TAF4: variants seen among roughly 807,000 people sequenced by gnomAD.
TAF4 encodes the protein TATA-box binding protein associated factor 4.
In TAF4, 9 loss-of-function variants were observed where a neutral mutation model predicts 90.3. The ratio of observed to expected loss-of-function variants is 0.10; its 90% CI spans 0.06 to 0.17. The LOEUF (loss-of-function observed/expected upper bound fraction) is 0.17. Among genes scored for constraint, TAF4 ranks in the 10% least tolerant of loss-of-function variants. The probability of loss-of-function intolerance (pLI) is 1.00; values close to 1 mark genes in which losing one functional copy is unlikely to be tolerated. For synonymous variants in TAF4, 818 were observed against 638.9 expected (o/e 1.28, Z -4.23); for missense variants, 1,351 against 1,370.7 (o/e 0.99, Z 0.23).
intron 14 of TAF4, among the ~76,000 whole-genome samples, chr20:61,977,116 CACG>C (rs1384403565): frequency 1.4e-5 from 2 of 147,980 alleles, no homozygotes; most frequent in South Asian, 2.2e-4. Flanking sequence ...GCGCCACACA[CACG>C]ACACCGCCCA....
At chr20:62,013,742 G>A (rs28382049) in intron 2 of TAF4, among the ~76,000 whole-genome samples, 13,639 of 152,234 alleles carry the variant, frequency 0.09, 1,530 homozygotes, top group African/African-American at 0.27. Flanking sequence ...CAGGAGACGG[G>A]GCAGGAACAC....
At chr20:62,064,171 G>A (rs985986302) in intron 1 of TAF4, 14 of 365,130 alleles carry the variant, frequency 3.8e-5, no homozygotes, top group African/African-American at 2.9e-4. Context: ...TAAGAGTCCT[G>A]GCTGAGCCAC....
intron 14 of TAF4, chr20:61,981,413 C>T (rs2055540365): frequency 6.6e-6 from 1 of 152,134 alleles, no homozygotes; most frequent in African/African-American, 2.4e-5. Flanking sequence ...AAATCAGAAC[C>T]TCAAAAACTA....
In TAF4 at chr20:62,014,706, T is replaced by A. The variant is rs763389644; in HGVS notation, c.1362A>T (p.Gly454=). The change falls in exon 2 of 15, where the codon GGA becomes GGT. Residue 454 remains glycine, a splice_region_variant and synonymous_variant. Coordinates refer to ENST00000252996, the MANE Select transcript of TAF4 (RefSeq NM_003185.4). The stretch of plus-strand genomic sequence containing the variant: ...CATTCTCACTTCGGACGAGGACCAT[T>A]CCTGCAGACAAAGGAGACCTGGCGT... ...TNIQNFQLPP[G]MVLVRSENGQ... The A allele has an allele frequency of 2.1e-5, 34 of 1,612,882 alleles. 1 individual carries two copies. Among genetic ancestry groups the A allele is most frequent in the Non-Finnish European group, 2.2e-5 (26 of 1,179,618 alleles).
At chr20:62,040,523 C>A (rs1034383641) in intron 1 of TAF4, among the ~76,000 whole-genome samples, 1 of 152,248 alleles carries the variant, frequency 6.6e-6, no homozygotes, top group East Asian at 1.9e-4. Context: ...ATCCTGTACT[C>A]GACGGTGGTG....
Position 61,977,528 on chromosome 20 carries a change from C to T in TAF4, c.3091-1193G>A, listed in dbSNP as rs2055503590. Among the ~76,000 whole-genome samples, 3 of 152,296 alleles carry T rather than the reference C, an allele frequency of 2.0e-5. No individual in the cohort carries two copies. The South Asian group carries it at 6.2e-4, about 32-fold the overall frequency. ...CCTTCCTCCCCCCTTCCCCGTTCTG[C>T]CACTTTCAGTTCAGGCTGGGAGCAT... is the stretch of plus-strand genomic sequence containing the variant. On this transcript the variant is annotated intron_variant, in intron 14 of 14. Coordinates refer to ENST00000252996, the MANE Select transcript of TAF4 (RefSeq NM_003185.4).
intron 14 of TAF4, among the ~76,000 whole-genome samples, chr20:61,993,198 T>C (rs1358718702): frequency 6.6e-6 from 1 of 152,178 alleles, no homozygotes; most frequent in African/African-American, 2.4e-5. Flanking sequence ...CTCAAGGGAC[T>C]AGTGGCCCTA....
intron 1 of TAF4, among the ~76,000 whole-genome samples, chr20:62,045,563 C>T (rs894652281): frequency 2.8e-4 from 42 of 152,208 alleles, no homozygotes; most frequent in Non-Finnish European, 5.3e-4. Context: ...GACTAGCATG[C>T]GTTTCTTTTC....
chr20:62,017,415 G>C (rs1221302518), intron 1 of TAF4, among the ~76,000 whole-genome samples: 1 of 151,652 alleles, frequency 6.6e-6, no homozygotes, highest in Non-Finnish European at 1.5e-5. Context: ...AAGGCGGGTA[G>C]ATCACGAGGT....
Position 61,975,209 on chromosome 20 carries a change from C to T in TAF4, c.*959G>A, listed in dbSNP as rs2055485493. The T allele has an allele frequency of 6.6e-6, 1 of 152,316 alleles. No homozygotes were observed. Among genetic ancestry groups the T allele is most frequent in the Non-Finnish European group, 1.5e-5 (1 of 68,026 alleles). 9.4% of individuals were successfully genotyped at this position (152,316 alleles called of 1,614,324 possible). On this transcript the variant is annotated 3_prime_UTR_variant, in exon 15 of 15. Transcript: ENST00000252996. ...GCTTTGCTCTGGACGTCTGTAAAGT[C>T]GGCCCAAGGCTTGCATACAGTCTCT...
chr20:62,023,282 A>G (rs2055854143), intron 1 of TAF4, among the ~76,000 whole-genome samples: 2 of 152,048 alleles, frequency 1.3e-5, no homozygotes, highest in Non-Finnish European at 2.9e-5. Context: ...TCTCTACTAA[A>G]AACACAAAAA....
At chr20:62,020,954 C>T (rs945000048) in intron 1 of TAF4, among the ~76,000 whole-genome samples, 1 of 152,100 alleles carries the variant, frequency 6.6e-6, no homozygotes, top group Admixed American at 6.5e-5. Flanking sequence ...AGGAAGGAGG[C>T]GCACACCAGC....
intron 10 of TAF4, 134 bp from the exon 11 acceptor site, chr20:62,000,388 G>T: frequency 7.1e-7 from 1 of 1,406,464 alleles, no homozygotes; most frequent in Non-Finnish European, 9.6e-7. Context: ...GGGGTGGAAG[G>T]CAGTGGTACC....
At chr20:62,040,740 C>T (rs2055958989) in intron 1 of TAF4, among the ~76,000 whole-genome samples, 1 of 152,238 alleles carries the variant, frequency 6.6e-6, no homozygotes, top group Non-Finnish European at 1.5e-5. Context: ...GCGGATGAAA[C>T]TAAATTCGCA....
rs187547827 is a variant in TAF4, at chr20:61,990,075, G to C, written c.3090+7475C>G. On this transcript the variant is annotated intron_variant, in intron 14 of 14. Coordinates refer to ENST00000252996, the MANE Select transcript of TAF4 (RefSeq NM_003185.4). Reference sequence around the variant, plus strand: ...CAGCCCACAGCAAGTGCTATGCTGGGGGTGGTAGCATCAGTGCTAAGCACC... The same window carrying C: ...CAGCCCACAGCAAGTGCTATGCTGGCGGTGGTAGCATCAGTGCTAAGCACC... Among the ~76,000 whole-genome samples, 428 of 152,322 alleles carry C rather than the reference G, an allele frequency of 2.8e-3. 5 individuals are homozygous for C. Among genetic ancestry groups the C allele is most frequent in the Admixed American group, 0.024 (361 of 15,300 alleles).
rs1483400383 is a variant in TAF4, at chr20:61,975,132, T to G, written c.*1036A>C. 6.6e-6 allele frequency: 1 copy of G among 152,190 alleles called. No homozygotes were observed. Among genetic ancestry groups the G allele is most frequent in the Non-Finnish European group, 1.5e-5 (1 of 67,984 alleles). The allele number at this position is 152,190 out of a possible 1,614,324, so 9.4% of individuals were successfully genotyped here. ...AATTTCATACAATAACCTCTGAAAA[T>G]AGAAAGAACCAATTAGTATATTTGT... On this transcript the variant is annotated 3_prime_UTR_variant, in exon 15 of 15. Transcript: ENST00000252996.
chr20:61,984,592 G>A lies in TAF4; in HGVS notation c.3091-8257C>T, dbSNP rs529237917. Among the ~76,000 whole-genome samples the A allele has an allele frequency of 4.6e-5, 7 of 152,172 alleles. No homozygotes were observed. The South Asian group carries it at 1.2e-3, about 27-fold the overall frequency. ...ATGCAGTGACACGAGGGCAGTGCCC[G>A]GGACATCAGCACGATGAAGTGCCAC... On this transcript the variant is annotated intron_variant, in intron 14 of 14. Coordinates refer to ENST00000252996, the MANE Select transcript of TAF4 (RefSeq NM_003185.4).
chr20:61,985,972 C>T (rs2055588528), intron 14 of TAF4, among the ~76,000 whole-genome samples: 2 of 150,728 alleles, frequency 1.3e-5, no homozygotes, highest in South Asian at 4.2e-4. Flanking sequence ...AAGGAAGCAC[C>T]ATCCCCAATC....
chr20:62,049,083 T>C, intron 1 of TAF4, among the ~76,000 whole-genome samples: 2 of 137,950 alleles, frequency 1.4e-5, no homozygotes, highest in African/African-American at 2.7e-5. Flanking sequence ...CCAGGCTCCG[T>C]CCCCCAACTC....
Sources: allele counts gnomAD v4.1 joint callset (sites outside exome capture counted in the v4.1 genomes callset), GRCh38; gene constraint gnomAD v4.1.1; transcripts MANE v1.5; gene names NCBI Gene and HGNC (gene_info 2026-07-23, HGNC 2026-07-21).